Variants in ANKS1B observed in about 807,000 individuals in gnomAD.
ANKS1B encodes ankyrin repeat and sterile alpha motif domain containing 1B.
ANKS1B carries 36 observed loss-of-function variants against 148.3 expected under a neutral mutation model. The observed-to-expected ratio is 0.24, with a 90% CI of 0.19 to 0.32. ANKS1B has a LOEUF of 0.32. Ranked by LOEUF, ANKS1B falls within the 10% of genes least tolerant of loss-of-function variation. The pLI is 1.00. For missense variants in ANKS1B, 1,157 were observed against 1,542.6 expected (o/e 0.75, Z 4.19); for synonymous variants, 542 against 560.8 (o/e 0.97, Z 0.47).
At chr12:98,805,169 G>A (rs1387038632) in intron 20 of ANKS1B, among the ~76,000 whole-genome samples, 1 of 152,132 alleles carries the variant, frequency 6.6e-6, no homozygotes, top group Non-Finnish European at 1.5e-5. Flanking sequence ...CTATCTCTTT[G>A]GCACTTAAAA....
chr12:98,764,800 C>A (rs940194454), intron 25 of ANKS1B, among the ~76,000 whole-genome samples: 1 of 152,188 alleles, frequency 6.6e-6, no homozygotes, highest in Non-Finnish European at 1.5e-5. Context: ...TTCCAACCTG[C>A]GCGTCCCTCC....
At chr12:99,512,472 C>T (rs532779107) in intron 9 of ANKS1B, among the ~76,000 whole-genome samples, 4 of 152,050 alleles carry the variant, frequency 2.6e-5, no homozygotes, top group African/African-American at 9.6e-5. Flanking sequence ...ATTAGTTCAA[C>T]CATTGTGGAA....
Position 99,731,413 on chromosome 12 carries a change from CGTGTGTGTGT to C in ANKS1B, c.1128+41499_1128+41508del, listed in dbSNP as rs71088145. Among the ~76,000 whole-genome samples the C allele has an allele frequency of 3.8e-3, 546 of 143,826 alleles. 2 individuals are homozygous for C. The highest frequency in any genetic ancestry group is 0.01 in the African/African-American group (397 of 38,394). The allele number at this position is 143,826 out of a possible 152,430, so 94.4% of individuals were successfully genotyped here. ...GGATTATAGGCGTGAACCACCGTGCCGTGTGTGTGTGTGTGTGTGTGTGTGTGTGTGTGTG... is the reference window on the plus strand; with the variant it reads ...GGATTATAGGCGTGAACCACCGTGCCGTGTGTGTGTGTGTGTGTGTGTGTG... On this transcript the variant is annotated intron_variant, in intron 8 of 26. Transcript: ENST00000683438.
At chr12:99,500,259 G>C (rs1487442495) in intron 10 of ANKS1B, among the ~76,000 whole-genome samples, 1 of 152,102 alleles carries the variant, frequency 6.6e-6, no homozygotes, top group African/African-American at 2.4e-5. Context: ...CAGATTTCCA[G>C]CCTCCAGAAC....
rs1173924347 is a variant in ANKS1B at position 99,443,764 on chromosome 12, T to C, written c.1484A>G (p.His495Arg). The stretch of plus-strand genomic sequence containing the variant: ...TGTTGGGCCTGTTGAGCTGTTTCTA[T>C]GGTTACTAGTTCCTGGAGTAGTAAC... The part of the protein sequence containing the change: ...VAVTTPGTSN[H>R]RNSSTGPTPD... Residue 495 changes from histidine (H) to arginine (R), a missense_variant, in exon 11 of 27, where the codon CAT becomes CGT. This residue lies in a region of ANKS1B where 661 missense variants were observed against 642.1 expected (regional missense o/e 1.03). Transcript: ENST00000683438. 9.3e-6 allele frequency: 15 copies of C among 1,611,944 alleles called. No homozygotes were observed. The highest frequency in any genetic ancestry group is 2.7e-5 in the African/African-American group (2 of 74,740).
At chr12:99,406,180 G>A (rs1022825479) in intron 11 of ANKS1B, among the ~76,000 whole-genome samples, 1 of 144,840 alleles carries the variant, frequency 6.9e-6, no homozygotes, top group African/African-American at 2.6e-5. Context: ...GGCTTAATAG[G>A]TATCTACAGA....
In ANKS1B at chr12:99,898,095, A is replaced by G. The variant is rs189476299; in HGVS notation, c.135-72706T>C. 1.6e-3 allele frequency among the ~76,000 whole-genome samples: 243 copies of G among 152,254 alleles called. 1 individual carries two copies. The highest frequency in any genetic ancestry group is 3.9e-3 in the South Asian group (19 of 4,818). On this transcript the variant is annotated intron_variant, in intron 1 of 26. Coordinates refer to ENST00000683438, the MANE Select transcript of ANKS1B (RefSeq NM_001352186.2). ...GTATCTGGCCCATAAGGCTAAACAAATATTTGCTATTATTGTTGTTATTAT... is the reference window on the plus strand; with the variant it reads ...GTATCTGGCCCATAAGGCTAAACAAGTATTTGCTATTATTGTTGTTATTAT...
intron 17 of ANKS1B, among the ~76,000 whole-genome samples, chr12:98,891,955 G>T (rs1441378982): frequency 2.0e-5 from 3 of 152,138 alleles, no homozygotes; most frequent in Admixed American, 2.0e-4. Flanking sequence ...CTAAGTTACT[G>T]CTATAAAATC....
At chr12:99,428,863 A>T (rs1458368684) in intron 11 of ANKS1B, among the ~76,000 whole-genome samples, 1 of 152,200 alleles carries the variant, frequency 6.6e-6, no homozygotes, top group East Asian at 1.9e-4. Context: ...ATATGAGATA[A>T]GCCTAGAAAT....
At chr12:98,737,418 T>G (rs2097778957) in intron 9 of ANKS1B, among the ~76,000 whole-genome samples, 1 of 152,226 alleles carries the variant, frequency 6.6e-6, no homozygotes, top group Admixed American at 6.5e-5. Flanking sequence ...TGCCCTGCCC[T>G]CTCCTAGCAT....
chr12:99,249,772 T>A (rs1342759075), intron 12 of ANKS1B, among the ~76,000 whole-genome samples: 1 of 152,078 alleles, frequency 6.6e-6, no homozygotes, highest in Non-Finnish European at 1.5e-5. Flanking sequence ...TACCGCTCAA[T>A]CAGACTGCAG....
chr12:99,789,754 T>A (rs2065417157), intron 4 of ANKS1B, among the ~76,000 whole-genome samples: 1 of 152,082 alleles, frequency 6.6e-6, no homozygotes, highest in Non-Finnish European at 1.5e-5. Flanking sequence ...GAAGACACAC[T>A]GAGAGTCTAC....
At chr12:99,366,700 T>G (rs1219477861) in intron 12 of ANKS1B, among the ~76,000 whole-genome samples, 2 of 152,208 alleles carry the variant, frequency 1.3e-5, no homozygotes, top group Admixed American at 1.3e-4. Context: ...TCAAGATTAA[T>G]TTTACATAAA....
chr12:99,582,730 G>A (rs1197653866), intron 9 of ANKS1B, among the ~76,000 whole-genome samples: 3 of 152,110 alleles, frequency 2.0e-5, no homozygotes, highest in African/African-American at 4.8e-5. Flanking sequence ...ATGTTTTTAA[G>A]ATGACAGGAA....
chr12:99,201,712 T>C (rs1055432688), intron 14 of ANKS1B, among the ~76,000 whole-genome samples: 1 of 152,152 alleles, frequency 6.6e-6, no homozygotes, highest in Non-Finnish European at 1.5e-5. Context: ...TTAGTAAATG[T>C]TTTGCTGAAA....
chr12:99,599,945 A>G (rs1426578730), intron 9 of ANKS1B, among the ~76,000 whole-genome samples: 1 of 151,134 alleles, frequency 6.6e-6, no homozygotes, highest in Non-Finnish European at 1.5e-5. Flanking sequence ...AAAGTATCAA[A>G]TAAGTCAGTG....
At chr12:98,781,367 A>C (rs781205642) in intron 23 of ANKS1B, 164 bp from the exon 24 acceptor site, 1 of 678,850 alleles carries the variant, frequency 1.5e-6, no homozygotes, top group Non-Finnish European at 2.7e-6. Flanking sequence ...CGCACACTCT[A>C]ATTTTAATGT....
intron 1 of ANKS1B, among the ~76,000 whole-genome samples, chr12:99,877,976 T>C (rs1373257789): frequency 6.6e-6 from 1 of 152,056 alleles, no homozygotes; most frequent in African/African-American, 2.4e-5. Context: ...TGGACAGTCA[T>C]TTGAGCCCAG....
chr12:99,954,107 G>C (rs780868251), intron 1 of ANKS1B, among the ~76,000 whole-genome samples: 1 of 152,160 alleles, frequency 6.6e-6, no homozygotes, highest in Non-Finnish European at 1.5e-5. Flanking sequence ...CACAATAGTA[G>C]CTATAATAAT....
Sources: allele counts gnomAD v4.1 joint callset (sites outside exome capture counted in the v4.1 genomes callset), GRCh38; gene constraint gnomAD v4.1.1; regional missense constraint gnomAD v4.1.1; transcripts MANE v1.5; gene names NCBI Gene and HGNC (gene_info 2026-07-23, HGNC 2026-07-21).